The following KCNQ1 variants were observed in gnomAD, a reference collection of about 807,000 sequenced individuals.
The protein encoded by KCNQ1 is potassium voltage-gated channel subfamily Q member 1.
KCNQ1 carries 49 observed loss-of-function variants against 72.4 expected under a neutral mutation model. That is an observed-to-expected ratio of 0.68 (90% CI 0.54 to 0.86). The LOEUF (loss-of-function observed/expected upper bound fraction) is 0.86, where lower values mean the gene tolerates loss of function less well. KCNQ1 is among the 40% of genes least tolerant of loss of function. KCNQ1 has a pLI of 0.00. For synonymous variants in KCNQ1, 450 were observed against 412.6 expected (o/e 1.09, Z -1.10); for missense variants, 790 against 945.1 (o/e 0.84, Z 2.15).
chr11:2,774,634 G>A (rs564339994), intron 12 of KCNQ1, among the ~76,000 whole-genome samples: 6 of 152,308 alleles, frequency 3.9e-5, no homozygotes, highest in South Asian at 2.1e-4. Flanking sequence ...CCAAGCCTCC[G>A]GCATTGGTGG....
intron 2 of KCNQ1, among the ~76,000 whole-genome samples, chr11:2,557,165 A>AG (rs559557376): frequency 2.0e-5 from 3 of 152,376 alleles, no homozygotes; most frequent in Admixed American, 6.5e-5. Flanking sequence ...AGAAAAGGAG[A>AG]GAAAAAACAG....
At chr11:2,660,492 G>A (rs1849932383) in intron 10 of KCNQ1, 1 of 398,478 alleles carries the variant, frequency 2.5e-6, no homozygotes, top group African/African-American at 2.1e-5. Flanking sequence ...AGCTATCTAT[G>A]CCTCATATAA....
At chr11:2,576,708 G>A (rs572801240) in intron 6 of KCNQ1, among the ~76,000 whole-genome samples, 1 of 152,384 alleles carries the variant, frequency 6.6e-6, no homozygotes, top group South Asian at 2.1e-4. Flanking sequence ...GGCCAGAAGG[G>A]GCTGGGGGCT....
rs1157962602 is a variant in KCNQ1 at position 2,526,802 on chromosome 11, C to G, written c.387-1126C>G. Among the ~76,000 whole-genome samples the G allele has an allele frequency of 2.0e-5, 3 of 152,006 alleles. No homozygotes were observed. Among genetic ancestry groups the G allele is most frequent in the Non-Finnish European group, 4.4e-5 (3 of 67,960 alleles). On this transcript the variant is annotated intron_variant, in intron 1 of 15. Transcript: ENST00000155840. This position sits in a 1 kb window ranked among gnomAD's most constrained non-coding sequence, Gnocchi z 6.1. ...TGGCTGTCCTGGGGTGGGTTAGAAG[C>G]CACTCAGGATGGCAGGATCTCAGGG... is the stretch of plus-strand genomic sequence containing the variant.
rs528050709 is a variant in KCNQ1, at chr11:2,566,019, A to C, written c.478-4609A>C. ...CTGCCCACTAGATGACCACCAAGGC[A>C]GGGCGGCTGGTGGTGCTGACGGCTC... On this transcript the variant is annotated intron_variant, in intron 2 of 15. Transcript: ENST00000155840. The surrounding 1 kb of genome is among the most constrained non-coding windows in gnomAD (Gnocchi z 6.7). 2.6e-4 allele frequency among the ~76,000 whole-genome samples: 39 copies of C among 151,922 alleles called. No individual in the cohort carries two copies. The highest frequency in any genetic ancestry group is 5.1e-4 in the Non-Finnish European group (35 of 67,998).
chr11:2,615,482 T>A (rs1232991323), intron 10 of KCNQ1: 2 of 398,074 alleles, frequency 5.0e-6, no homozygotes, highest in Non-Finnish European at 4.4e-6. Flanking sequence ...TCTTACTCTT[T>A]GTTATGGGAG....
chr11:2,452,330 G>A (rs912811525), intron 1 of KCNQ1, among the ~76,000 whole-genome samples: 4 of 152,072 alleles, frequency 2.6e-5, no homozygotes, highest in Non-Finnish European at 5.9e-5. Flanking sequence ...TACTCCCTTC[G>A]GCCCTGGAAT....
At chr11:2,466,926 C>T (rs1846360554) in intron 1 of KCNQ1, among the ~76,000 whole-genome samples, 1 of 152,216 alleles carries the variant, frequency 6.6e-6, no homozygotes, top group Non-Finnish European at 1.5e-5. Flanking sequence ...TGAGGGCCAG[C>T]CCTGGGTTGC....
At chr11:2,754,185 G>A (rs1318570235) in intron 11 of KCNQ1, among the ~76,000 whole-genome samples, 2 of 152,204 alleles carry the variant, frequency 1.3e-5, no homozygotes, top group Non-Finnish European at 2.9e-5. Flanking sequence ...GCAAGGATGT[G>A]GACTGCCAGA....
chr11:2,578,152 C>T (rs983303954), intron 6 of KCNQ1, among the ~76,000 whole-genome samples: 5 of 152,378 alleles, frequency 3.3e-5, no homozygotes, highest in East Asian at 3.9e-4. Flanking sequence ...AGGCTGGCCA[C>T]GTGCCAAGCC....
chr11:2,731,197 A>C (rs1020776721), intron 11 of KCNQ1, among the ~76,000 whole-genome samples: 1 of 152,122 alleles, frequency 6.6e-6, no homozygotes, highest in Non-Finnish European at 1.5e-5. Context: ...TGCCCACTCG[A>C]GGGGGTGCTG....
chr11:2,459,655 C>T (rs573557575), intron 1 of KCNQ1, among the ~76,000 whole-genome samples: 48 of 152,164 alleles, frequency 3.2e-4, no homozygotes, highest in African/African-American at 1.1e-3. Flanking sequence ...TGGGGGTGAA[C>T]GGCTGACCGT....
At chr11:2,561,424 C>T (rs984124188) in intron 2 of KCNQ1, among the ~76,000 whole-genome samples, 11 of 152,194 alleles carry the variant, frequency 7.2e-5, no homozygotes, top group Non-Finnish European at 1.3e-4. Context: ...AGGACAAGGT[C>T]GCTTCCCTCT....
At position 2,676,840 on chromosome 11, in the gene KCNQ1, G is replaced by A. The variant is rs769982423; in HGVS notation, c.1514+14759G>A. 6.8e-5 allele frequency: 27 copies of A among 398,492 alleles called. No homozygotes were observed. Among genetic ancestry groups the A allele is most frequent in the Non-Finnish European group, 1.1e-4 (25 of 226,070 alleles). The allele number at this position is 398,492 out of a possible 1,614,324, so 24.7% of individuals were successfully genotyped here. On this transcript the variant is annotated intron_variant, in intron 11 of 15. Coordinates refer to ENST00000155840, the MANE Select transcript of KCNQ1 (RefSeq NM_000218.3). This position sits in a 1 kb window ranked among gnomAD's most constrained non-coding sequence, Gnocchi z 4.2. ...TCTACCACAGGGGTCATGTTGTAAT[G>A]ACACCTGTCAGCTTTGACTGGGGAG...
chr11:2,668,887 TAAA>T lies in KCNQ1; in HGVS notation c.1514+6807_1514+6809del. ...AGAAACTTTGACTACTCCAAGGTCATAAAGATATTCTGGTTTATTCTAAAGCTT... is the reference window on the plus strand; with the variant it reads ...AGAAACTTTGACTACTCCAAGGTCATGATATTCTGGTTTATTCTAAAGCTT... On this transcript the variant is annotated intron_variant, in intron 11 of 15. Coordinates refer to ENST00000155840, the MANE Select transcript of KCNQ1 (RefSeq NM_000218.3). The surrounding 1 kb of genome is among the most constrained non-coding windows in gnomAD (Gnocchi z 4.3). 2.5e-6 allele frequency: 1 copy of T among 398,664 alleles called. No individual in the cohort carries two copies. The allele number at this position is 398,664 out of a possible 1,614,324, so 24.7% of individuals were successfully genotyped here.
intron 11 of KCNQ1, chr11:2,667,602 G>A (rs536625418): frequency 6.3e-5 from 25 of 398,438 alleles, no homozygotes; most frequent in African/African-American, 2.5e-4. Context: ...TGGGCGGGGG[G>A]CACATCCCAT....
chr11:2,629,412 T>C (rs979450566), intron 10 of KCNQ1: 51 of 398,388 alleles, frequency 1.3e-4, no homozygotes, highest in Non-Finnish European at 2.0e-4. Context: ...CCAAATCCAA[T>C]GTCATGCAGT....
At chr11:2,835,879 AG>A (rs1354091892) in intron 15 of KCNQ1, among the ~76,000 whole-genome samples, 2 of 152,184 alleles carry the variant, frequency 1.3e-5, no homozygotes, top group African/African-American at 4.8e-5. Context: ...GTTGGGAGAC[AG>A]CAAGACCTGG....
In KCNQ1 at chr11:2,537,049, C is replaced by G. The variant is rs1045573194; in HGVS notation, c.477+9031C>G. Among the ~76,000 whole-genome samples the G allele has an allele frequency of 6.6e-6, 1 of 151,996 alleles. No individual in the cohort carries two copies. The highest frequency in any genetic ancestry group is 2.4e-5 in the African/African-American group (1 of 41,288). On this transcript the variant is annotated intron_variant, in intron 2 of 15. Coordinates refer to ENST00000155840, the MANE Select transcript of KCNQ1 (RefSeq NM_000218.3). This position sits in a 1 kb window ranked among gnomAD's most constrained non-coding sequence, Gnocchi z 5.2. ...AGGCTACCCTACTCCACTGTGACCC[C>G]CCTCCTAACTGATCATATCTGCAGG...
Sources: gnomAD v4.1 joint callset for allele counts (sites outside exome capture counted in the v4.1 genomes callset) on GRCh38, gnomAD v4.1.1 for gene constraint, Gnocchi (gnomAD v3.1) non-coding constraint, MANE v1.5 for transcripts, NCBI Gene and HGNC (gene_info 2026-07-23, HGNC 2026-07-21) for gene names.